ERC1: variants seen among roughly 807,000 people sequenced by gnomAD.
ERC1 encodes RAB6 interacting protein 2.
A neutral mutation model predicts 132.0 loss-of-function variants in ERC1; 56 were observed. That is an observed-to-expected ratio of 0.42 (90% CI 0.34 to 0.53). The LOEUF is 0.53. Among genes scored for constraint, ERC1 ranks in the 20% least tolerant of loss-of-function variants. The pLI, the probability that ERC1 is intolerant of heterozygous loss-of-function variation, is 0.03. For synonymous variants in ERC1, 478 were observed against 476.1 expected (o/e 1.00, Z -0.05); for missense variants, 1,202 against 1,349.9 (o/e 0.89, Z 1.72).
chr12:1,355,918 G>A (rs1403492172), intron 15 of ERC1, among the ~76,000 whole-genome samples: 2 of 152,010 alleles, frequency 1.3e-5, no homozygotes, highest in Non-Finnish European at 2.9e-5. Context: ...TAAAATACTC[G>A]GTCCTGGCTG....
In ERC1 at chr12:1,289,927, C is replaced by A; in HGVS notation, c.2695C>A (p.Gln899Lys). Reference sequence around the variant, plus strand: ...CATGAAAGCAAAGCTGTCCTCCACCCAGCAGTCTCTGGCAGAAAAGGAAAC... The same window carrying A: ...CATGAAAGCAAAGCTGTCCTCCACCAAGCAGTCTCTGGCAGAAAAGGAAAC... The part of the protein sequence containing the change: ...ESMKAKLSST[Q>K]QSLAEKETHL... Residue 899 changes from glutamine (Q) to lysine (K), a missense_variant, in exon 15 of 19, where the codon CAG (glutamine) becomes AAG (lysine). Physicochemically the swap from Gln to Lys is moderately conservative, Grantham distance 53 (BLOSUM62 1). Transcript: ENST00000360905. 1 of 1,613,898 alleles carries A rather than the reference C, an allele frequency of 6.2e-7. No homozygotes were observed. Among genetic ancestry groups the A allele is most frequent in the Non-Finnish European group, 8.5e-7 (1 of 1,179,788 alleles).
intron 2 of ERC1, among the ~76,000 whole-genome samples, chr12:1,029,608 T>A (rs1639423335): frequency 6.6e-6 from 1 of 152,156 alleles, no homozygotes; most frequent in African/African-American, 2.4e-5. Flanking sequence ...CAGGAAATAT[T>A]CACTTATTTT....
rs113692681 is a variant in ERC1, at chr12:1,424,906, A to G, written c.3024+16659A>G. ...GATAGATAGATAGATAGATAGATAG[A>G]TAGATAATCTGTCTCTACTCCACAG... is the stretch of plus-strand genomic sequence containing the variant. On this transcript the variant is annotated intron_variant, in intron 17 of 18. Coordinates refer to ENST00000360905, the MANE Select transcript of ERC1 (RefSeq NM_178040.4). Among the ~76,000 whole-genome samples the G allele has an allele frequency of 5.8e-3, 873 of 150,932 alleles. 7 individuals carry two copies. Among genetic ancestry groups the G allele is most frequent in the African/African-American group, 0.02 (830 of 40,704 alleles).
chr12:1,023,429 A>T (rs2154146645), intron 1 of ERC1, among the ~76,000 whole-genome samples: 1 of 151,630 alleles, frequency 6.6e-6, no homozygotes, highest in Non-Finnish European at 1.5e-5. Flanking sequence ...TTTCCCCTGC[A>T]GCAGCAGGTT....
intron 8 of ERC1, among the ~76,000 whole-genome samples, chr12:1,155,728 C>G (rs1488666932): frequency 6.6e-6 from 1 of 152,142 alleles, no homozygotes; most frequent in Non-Finnish European, 1.5e-5. Context: ...GCCTCAGCCT[C>G]CCAAAGTGCT....
At chr12:1,111,976 G>A (rs1019418282) in intron 5 of ERC1, among the ~76,000 whole-genome samples, 5 of 152,034 alleles carry the variant, frequency 3.3e-5, no homozygotes, top group African/African-American at 4.8e-5. Context: ...ACATAGTGCC[G>A]TATGATCTCT....
intron 17 of ERC1, among the ~76,000 whole-genome samples, chr12:1,411,512 C>G (rs910604202): frequency 1.3e-5 from 2 of 151,984 alleles, no homozygotes; most frequent in Non-Finnish European, 2.9e-5. Flanking sequence ...GTCCAGATGG[C>G]TTTATCCTGA....
chr12:1,129,846 CAGG>C (rs1022727030), intron 7 of ERC1, among the ~76,000 whole-genome samples: 2 of 139,788 alleles, frequency 1.4e-5, no homozygotes, highest in African/African-American at 5.2e-5. Context: ...GAAAAAAAAA[CAGG>C]AGATGAAAAG....
intron 17 of ERC1, among the ~76,000 whole-genome samples, chr12:1,428,614 T>C (rs952553265): frequency 6.6e-6 from 1 of 152,202 alleles, no homozygotes; most frequent in Non-Finnish European, 1.5e-5. Flanking sequence ...CACATCTTGA[T>C]TTCATAGAGT....
chr12:1,371,795 G>T, intron 15 of ERC1, 38 bp from the exon 16 acceptor site: 1 of 1,600,616 alleles, frequency 6.2e-7, no homozygotes, highest in Non-Finnish European at 8.5e-7. Context: ...TTGTTGGAAG[G>T]GGTGAATGGC....
chr12:1,388,241 C>T (rs547093486), intron 16 of ERC1, among the ~76,000 whole-genome samples: 4 of 149,066 alleles, frequency 2.7e-5, no homozygotes, highest in Admixed American at 6.8e-5. Flanking sequence ...CCCAGCTACT[C>T]GGAGAGGCTG....
chr12:1,322,012 AAT>A (rs1355489811), intron 15 of ERC1, among the ~76,000 whole-genome samples: 2 of 152,166 alleles, frequency 1.3e-5, no homozygotes, highest in African/African-American at 2.4e-5. Flanking sequence ...CGGCAGTGGT[AAT>A]ATGTTTTATA....
chr12:1,179,875 G>A (rs1419450620), intron 8 of ERC1, among the ~76,000 whole-genome samples: 1 of 152,164 alleles, frequency 6.6e-6, no homozygotes, highest in African/African-American at 2.4e-5. Context: ...TTGAGTAAAT[G>A]AATGCATGTA....
intron 8 of ERC1, 116 bp downstream of exon 8, chr12:1,141,903 T>C (rs1949894988): frequency 1.2e-6 from 1 of 827,228 alleles, no homozygotes; most frequent in Admixed American, 3.6e-5. Context: ...TTTATATTTT[T>C]GTGATTAGTA....
chr12:1,325,299 T>A (rs2082372006), intron 15 of ERC1, among the ~76,000 whole-genome samples: 1 of 152,192 alleles, frequency 6.6e-6, no homozygotes, highest in South Asian at 2.1e-4. Context: ...TAGTTTCGCT[T>A]GATGATAAAT....
At chr12:1,191,147 T>A (rs1397945955) in intron 12 of ERC1, among the ~76,000 whole-genome samples, 1 of 152,168 alleles carries the variant, frequency 6.6e-6, no homozygotes, top group Non-Finnish European at 1.5e-5. Flanking sequence ...TTTCCTCTTA[T>A]TTTGGTATTA....
intron 16 of ERC1, among the ~76,000 whole-genome samples, chr12:1,392,304 A>G (rs1019628690): frequency 2.2e-4 from 34 of 152,238 alleles, no homozygotes; most frequent in African/African-American, 8.0e-4. Flanking sequence ...ATCAGATCTC[A>G]TGAGTGATCA....
chr12:1,184,551 C>G (rs1172760283), intron 11 of ERC1, among the ~76,000 whole-genome samples: 2 of 152,056 alleles, frequency 1.3e-5, no homozygotes, highest in African/African-American at 4.8e-5. Flanking sequence ...AAGTAGATTT[C>G]TTCTCTGTTT....
intron 17 of ERC1, among the ~76,000 whole-genome samples, chr12:1,418,471 G>C (rs569264300): frequency 2.4e-4 from 36 of 152,304 alleles, no homozygotes; most frequent in African/African-American, 8.7e-4. Flanking sequence ...GTTTATTACT[G>C]TTATTAGATT....
Sources: allele counts gnomAD v4.1 joint callset (sites outside exome capture counted in the v4.1 genomes callset), GRCh38; gene constraint gnomAD v4.1.1; transcripts MANE v1.5; gene names NCBI Gene and HGNC (gene_info 2026-07-23, HGNC 2026-07-21).